The following EIPR1 variants were observed in gnomAD, a reference collection of about 807,000 sequenced individuals.
EIPR1 encodes EARP complex and GARP complex interacting protein 1, also known as EARP and GARP complex-interacting protein 1.
EIPR1 carries 25 observed loss-of-function variants against 48.1 expected under a neutral mutation model. The observed-to-expected ratio is 0.52, with a 90% confidence interval of 0.38 to 0.73. The LOEUF (loss-of-function observed/expected upper bound fraction) is 0.73. Ranked by LOEUF, EIPR1 falls within the 30% of genes least tolerant of loss-of-function variation. The probability of loss-of-function intolerance (pLI) is 0.00; values close to 1 mark genes in which losing one functional copy is unlikely to be tolerated. For synonymous variants in EIPR1, 204 were observed against 201.9 expected, an observed-to-expected ratio of 1.01 and a Z score of -0.09; for missense variants, 415 against 506.2, an observed-to-expected ratio of 0.82 and a Z score of 1.73.
intron 2 of EIPR1, among the ~76,000 whole-genome samples, chr2:3,347,163 C>T (rs1670425904): frequency 1.3e-5 from 2 of 152,098 alleles, no homozygotes; most frequent in South Asian, 4.2e-4. Flanking sequence ...GCCATGCTTC[C>T]TGTATGGCCT....
intron 4 of EIPR1, among the ~76,000 whole-genome samples, chr2:3,248,494 T>G (rs1666909365): frequency 6.6e-6 from 1 of 152,108 alleles, no homozygotes; most frequent in South Asian, 2.1e-4. Context: ...CCCAGGAGGC[T>G]GAGGCAGGAC....
chr2:3,349,606 G>A (rs942225723), intron 2 of EIPR1, among the ~76,000 whole-genome samples: 2 of 151,294 alleles, frequency 1.3e-5, no homozygotes, highest in Non-Finnish European at 2.9e-5. Context: ...GACGGGGACA[G>A]GGAGGACGCC....
At chr2:3,369,691 C>G (rs1671063512) in intron 1 of EIPR1, among the ~76,000 whole-genome samples, 2 of 152,228 alleles carry the variant, frequency 1.3e-5, no homozygotes, top group South Asian at 4.1e-4. Flanking sequence ...GGAGGGGCGC[C>G]CGCCATTGCC....
intron 2 of EIPR1, among the ~76,000 whole-genome samples, chr2:3,350,109 C>T (rs1410950562): frequency 2.2e-5 from 2 of 89,596 alleles, no homozygotes; most frequent in Admixed American, 1.9e-4. Context: ...GAGAGTAAGA[C>T]TCTGTCTCAA....
chr2:3,321,704 AGAG>A (rs1415781015), intron 3 of EIPR1, among the ~76,000 whole-genome samples: 2 of 152,208 alleles, frequency 1.3e-5, no homozygotes, highest in African/African-American at 4.8e-5. Context: ...GTTAATCTGT[AGAG>A]GAGGATACAG....
At chr2:3,369,529 C>G (rs987338532) in intron 1 of EIPR1, among the ~76,000 whole-genome samples, 2 of 152,220 alleles carry the variant, frequency 1.3e-5, no homozygotes, top group African/African-American at 4.8e-5. Context: ...GCCACTCCCA[C>G]CCAAATACTG....
At chr2:3,284,715 T>A (rs957268105) in intron 3 of EIPR1, among the ~76,000 whole-genome samples, 10 of 152,136 alleles carry the variant, frequency 6.6e-5, no homozygotes, top group African/African-American at 2.4e-4. Context: ...GAGCCAGGAT[T>A]CCAACTCGAG....
At position 3,214,289 on chromosome 2, in the gene EIPR1, G is replaced by A. The variant is rs567601475; in HGVS notation, c.417-41C>T. The A allele has an allele frequency of 3.4e-5, 53 of 1,578,132 alleles. 2 individuals are homozygous for A. The South Asian group carries it at 5.8e-4, about 17-fold the overall frequency. On this transcript the variant is annotated intron_variant, in intron 4 of 8. Transcript: ENST00000382125. ...GTACCAAATGTTAACATAAACATTT[G>A]AGATACCCAGGCTGGTAGGTAAGAG...
At chr2:3,324,482 G>A (rs1441975963) in intron 3 of EIPR1, among the ~76,000 whole-genome samples, 1 of 152,216 alleles carries the variant, frequency 6.6e-6, no homozygotes, top group Non-Finnish European at 1.5e-5. Flanking sequence ...CCAGGCCGTG[G>A]CCACATACGG....
intron 3 of EIPR1, among the ~76,000 whole-genome samples, chr2:3,293,715 C>T (rs1668441215): frequency 6.6e-6 from 1 of 152,210 alleles, no homozygotes; most frequent in Non-Finnish European, 1.5e-5. Flanking sequence ...AGCAGGTAAA[C>T]TCTCTTAATA....
At chr2:3,243,661 A>C (rs1448005468) in intron 4 of EIPR1, among the ~76,000 whole-genome samples, 1 of 152,160 alleles carries the variant, frequency 6.6e-6, no homozygotes, top group Non-Finnish European at 1.5e-5. Flanking sequence ...ATTAAATTAA[A>C]AATTTTTTTT....
intron 3 of EIPR1, among the ~76,000 whole-genome samples, chr2:3,294,963 CTCCATCCA>C (rs1668500600): frequency 1.1e-4 from 13 of 113,672 alleles, no homozygotes; most frequent in East Asian, 3.3e-4. Context: ...CACACACACC[CTCCATCCA>C]GCCCATCCTC....
At chr2:3,190,449 G>A (rs1206520304) in intron 8 of EIPR1, among the ~76,000 whole-genome samples, 4 of 152,206 alleles carry the variant, frequency 2.6e-5, no homozygotes, top group East Asian at 1.9e-4. Flanking sequence ...GTCAACTGCT[G>A]TTGTGGGACA....
intron 4 of EIPR1, among the ~76,000 whole-genome samples, chr2:3,226,624 ATTTG>A (rs1326232778): frequency 6.6e-6 from 1 of 151,988 alleles, no homozygotes; most frequent in Non-Finnish European, 1.5e-5. Context: ...ATGCACTCTC[ATTTG>A]TTTATTTTTG....
In EIPR1 at chr2:3,377,761, T is replaced by C; in HGVS notation, c.-72A>G. 2 of 1,497,270 alleles carry C rather than the reference T, an allele frequency of 1.3e-6. No homozygotes were observed. Among genetic ancestry groups the C allele is most frequent in the Non-Finnish European group, 1.8e-6 (2 of 1,111,190 alleles). 92.7% of individuals were successfully genotyped at this position (1,497,270 alleles called of 1,614,324 possible). A position where few individuals can be genotyped will look rare whatever the true frequency, so the allele number is the denominator to read the frequency against. On this transcript the variant is annotated 5_prime_UTR_variant, in exon 1 of 9. Transcript: ENST00000382125. ...TCGCTACGGCCGGCGCGTCCCCACC[T>C]CGCGGGCGTGTTCCCAGCGCCCATT... is the stretch of plus-strand genomic sequence containing the variant.
rs72765366 is a variant in EIPR1, at chr2:3,363,760, G to A, written c.43-9127C>T. 4.3e-3 allele frequency among the ~76,000 whole-genome samples: 593 copies of A among 138,190 alleles called. 3 individuals carry two copies. Among genetic ancestry groups the A allele is most frequent in the Non-Finnish European group, 6.5e-3 (422 of 64,974 alleles). 90.7% of individuals were successfully genotyped at this position (138,190 alleles called of 152,430 possible). A position where few individuals can be genotyped will look rare whatever the true frequency, so the allele number is the denominator to read the frequency against. On this transcript the variant is annotated intron_variant, in intron 1 of 8. Coordinates refer to ENST00000382125, the MANE Select transcript of EIPR1 (RefSeq NM_003310.5). Reference sequence around the variant, plus strand: ...ATTTGCAAATATCCATCTGTCAGGCGATTAATAACCACAACAGATAAGAAG... The same window carrying A: ...ATTTGCAAATATCCATCTGTCAGGCAATTAATAACCACAACAGATAAGAAG...
chr2:3,278,101 T>C (rs1667911210), intron 3 of EIPR1, among the ~76,000 whole-genome samples: 3 of 152,164 alleles, frequency 2.0e-5, no homozygotes, highest in Admixed American at 1.3e-4. Flanking sequence ...GAACTTCACC[T>C]GGTCCCACCA....
At chr2:3,247,975 T>G (rs571996417) in intron 4 of EIPR1, among the ~76,000 whole-genome samples, 33 of 152,088 alleles carry the variant, frequency 2.2e-4, no homozygotes, top group Non-Finnish European at 3.7e-4. Context: ...GGGAGCGACA[T>G]AGTCGAGATG....
chr2:3,343,805 A>G (rs557766244), intron 2 of EIPR1, among the ~76,000 whole-genome samples: 1 of 152,010 alleles, frequency 6.6e-6, no homozygotes, highest in Non-Finnish European at 1.5e-5. Flanking sequence ...CACCGAGTAC[A>G]GAGCTGCAGG....
Sources: gnomAD v4.1 joint callset for allele counts (sites outside exome capture counted in the v4.1 genomes callset) on GRCh38, gnomAD v4.1.1 for gene constraint, MANE v1.5 for transcripts, NCBI Gene and HGNC (gene_info 2026-07-23, HGNC 2026-07-21) for gene names.